The following PPP3CC variants were observed in gnomAD, a reference collection of about 807,000 sequenced individuals.
PPP3CC encodes serine/threonine-protein phosphatase 2B catalytic subunit gamma isoform.
In PPP3CC, 35 loss-of-function variants were observed where a neutral mutation model predicts 60.3. That is an observed-to-expected ratio of 0.58 (90% CI 0.44 to 0.77). PPP3CC has a LOEUF of 0.77. PPP3CC is among the 30% of genes least tolerant of loss of function. The probability of loss-of-function intolerance (pLI) is 0.00; values close to 1 mark genes in which losing one functional copy is unlikely to be tolerated. For missense variants in PPP3CC, 570 were observed against 628.9 expected, an observed-to-expected ratio of 0.91 and a Z score of 1.00; for synonymous variants, 206 against 224.3, an observed-to-expected ratio of 0.92 and a Z score of 0.73.
chr8:22,523,993 A>C (rs1839475991), intron 8 of PPP3CC, among the ~76,000 whole-genome samples: 1 of 152,212 alleles, frequency 6.6e-6, no homozygotes, highest in African/African-American at 2.4e-5. Context: ...CTTCACTTTT[A>C]AGTGTGTCAC....
At chr8:22,459,453 T>TTTTGTGTG (rs1345685307) in intron 1 of PPP3CC, among the ~76,000 whole-genome samples, 4 of 104,966 alleles carry the variant, frequency 3.8e-5, no homozygotes, top group African/African-American at 1.8e-4. Context: ...TATCACTTTG[T>TTTTGTGTG]TATGTGTGTG....
chr8:22,485,231 C>T (rs1838190443), intron 3 of PPP3CC, among the ~76,000 whole-genome samples: 1 of 152,020 alleles, frequency 6.6e-6, no homozygotes, highest in Admixed American at 6.6e-5. Context: ...ACTGAATTTG[C>T]AAAGGCCAAA....
intron 4 of PPP3CC, 61 bp downstream of exon 4, chr8:22,498,173 C>G (rs1838646081): frequency 9.3e-7 from 1 of 1,070,798 alleles, no homozygotes; most frequent in Non-Finnish European, 1.3e-6. Context: ...CGAAGTAAAT[C>G]AAACAGAAAG....
At chr8:22,490,955 T>TAC (rs1838386842) in intron 3 of PPP3CC, among the ~76,000 whole-genome samples, 1 of 152,210 alleles carries the variant, frequency 6.6e-6, no homozygotes, top group Admixed American at 6.5e-5. Flanking sequence ...TTATAATCCT[T>TAC]TGGGTATATA....
Position 22,441,375 on chromosome 8 carries a change from C to A in PPP3CC, c.-35C>A. ...GGCCGCGGCGTAGGCGCACGTCCGG[C>A]GGGCTCCTGGAGCCTGGAGGAGGCC... is the stretch of plus-strand genomic sequence containing the variant. On this transcript the variant is annotated 5_prime_UTR_variant, in exon 1 of 14. Transcript: ENST00000240139. 1 of 1,516,870 alleles carries A rather than the reference C, an allele frequency of 6.6e-7. No homozygotes were observed. Among genetic ancestry groups the A allele is most frequent in the South Asian group, 1.2e-5 (1 of 81,020 alleles). 94.0% of individuals were successfully genotyped at this position (1,516,870 alleles called of 1,614,324 possible).
At chr8:22,505,533 A>G (rs1838890326) in intron 4 of PPP3CC, among the ~76,000 whole-genome samples, 2 of 152,210 alleles carry the variant, frequency 1.3e-5, no homozygotes, top group African/African-American at 4.8e-5. Flanking sequence ...AAAGCGAAAT[A>G]CTAGGTAAAT....
rs573232238 is a variant in PPP3CC at position 22,499,205 on chromosome 8, C to T, written c.484+1093C>T. The stretch of plus-strand genomic sequence containing the variant: ...CTGTAATCCCAGCACTTTGGGAGGC[C>T]GAGGCGGGTGGATCATGAGGTCAGG... On this transcript the variant is annotated intron_variant, in intron 4 of 13. Transcript: ENST00000240139. 4.5e-4 allele frequency among the ~76,000 whole-genome samples: 67 copies of T among 150,456 alleles called. 2 individuals carry two copies. Among genetic ancestry groups the T allele is most frequent in the Admixed American group, 4.2e-3 (64 of 15,102 alleles).
intron 1 of PPP3CC, among the ~76,000 whole-genome samples, chr8:22,449,447 CAAAAAAAAAAAAAA>C (rs35113938): frequency 1.7e-5 from 1 of 59,670 alleles, no homozygotes; most frequent in Non-Finnish European, 3.0e-5. Context: ...GACCCCATCT[CAAAAAAAAAAAAAA>C]AAAAAAAAAA....
Position 22,513,372 on chromosome 8 carries a change from AT to A in PPP3CC, c.711del (p.Asn237LysfsTer72). 1 of 1,613,992 alleles carries A rather than the reference AT, an allele frequency of 6.2e-7. No homozygotes were observed. The highest frequency in any genetic ancestry group is 8.5e-7 in the Non-Finnish European group (1 of 1,179,938). On this transcript the variant is annotated frameshift_variant, in exon 6 of 14. Transcript: ENST00000240139. LOFTEE classifies it high-confidence loss of function. ...TCTGATCCCTCAGAGGATTATGGCA[AT>A]GAGAAGACCTTGGAGCACTATACCC... ...LWSDPSEDYG[N>X]EKTLEHYTHN...
chr8:22,521,305 C>T (rs1295522728), intron 6 of PPP3CC, among the ~76,000 whole-genome samples: 1 of 152,198 alleles, frequency 6.6e-6, no homozygotes, highest in Non-Finnish European at 1.5e-5. Context: ...TTTGAGTCTG[C>T]AGTTGGGTCT....
chr8:22,497,412 C>T (rs1266117843), intron 3 of PPP3CC, among the ~76,000 whole-genome samples: 1 of 152,022 alleles, frequency 6.6e-6, no homozygotes, highest in Non-Finnish European at 1.5e-5. Context: ...AGCCCCCTGC[C>T]TTAGCCTCCT....
intron 1 of PPP3CC, among the ~76,000 whole-genome samples, chr8:22,448,597 T>C (rs1185896904): frequency 6.6e-6 from 1 of 152,070 alleles, no homozygotes; most frequent in African/African-American, 2.4e-5. Flanking sequence ...CAGGCTGGTC[T>C]CGAGCTCCCG....
intron 8 of PPP3CC, 49 bp downstream of exon 8, chr8:22,522,798 G>A (rs931777962): frequency 3.0e-6 from 4 of 1,338,884 alleles, no homozygotes; most frequent in South Asian, 2.4e-5. Context: ...GTAAACGTGA[G>A]CTCTGGTTTA....
At chr8:22,470,655 GAA>G (rs1321071389) in intron 1 of PPP3CC, among the ~76,000 whole-genome samples, 2 of 152,166 alleles carry the variant, frequency 1.3e-5, no homozygotes, top group Admixed American at 6.6e-5. Context: ...TAAGCAAGTA[GAA>G]AGGTCCTCAA....
At chr8:22,473,692 G>A (rs1172457759) in intron 1 of PPP3CC, among the ~76,000 whole-genome samples, 4 of 151,952 alleles carry the variant, frequency 2.6e-5, no homozygotes, top group Non-Finnish European at 5.9e-5. Context: ...TTGAACTCCC[G>A]ACCTCAGGTG....
chr8:22,528,268 A>G (rs2117136433), intron 9 of PPP3CC, among the ~76,000 whole-genome samples: 1 of 152,350 alleles, frequency 6.6e-6, no homozygotes, highest in Non-Finnish European at 1.5e-5. Context: ...AAATCAAGTA[A>G]TTAGGCAATA....
intron 3 of PPP3CC, among the ~76,000 whole-genome samples, chr8:22,485,159 C>T (rs1838188445): frequency 1.3e-5 from 2 of 152,252 alleles, no homozygotes; most frequent in South Asian, 4.1e-4. Flanking sequence ...ATTTTGAGAG[C>T]CCATTTTATT....
intron 1 of PPP3CC, among the ~76,000 whole-genome samples, chr8:22,461,254 T>C (rs925253257): frequency 2.0e-5 from 3 of 152,190 alleles, no homozygotes; most frequent in African/African-American, 7.2e-5. Context: ...ATTTTTAGTA[T>C]AAATACACAG....
chr8:22,527,790 T>C (rs1247443516), intron 9 of PPP3CC, among the ~76,000 whole-genome samples: 1 of 152,084 alleles, frequency 6.6e-6, no homozygotes, highest in Non-Finnish European at 1.5e-5. Flanking sequence ...CACGTGCCAC[T>C]GCACCCGGCT....
Sources: allele counts gnomAD v4.1 joint callset (sites outside exome capture counted in the v4.1 genomes callset), GRCh38; gene constraint gnomAD v4.1.1; transcripts MANE v1.5; gene names NCBI Gene and HGNC (gene_info 2026-07-23, HGNC 2026-07-21).